Variants in SLCO6A1 observed in about 807,000 individuals in gnomAD.
The protein encoded by SLCO6A1 is cancer/testis antigen 48.
A neutral mutation model predicts 72.7 loss-of-function variants in SLCO6A1; 65 were observed. That is an observed-to-expected ratio of 0.89 (90% CI 0.73 to 1.10). The LOEUF is 1.10. Ranked by LOEUF, SLCO6A1 falls within the 50% of genes least tolerant of loss-of-function variation. The probability of loss-of-function intolerance (pLI) is 0.00; values close to 1 mark genes in which losing one functional copy is unlikely to be tolerated. For missense variants in SLCO6A1, 874 were observed against 872.6 expected (o/e 1.00, Z -0.02); for synonymous variants, 314 against 298.2 (o/e 1.05, Z -0.55).
intron 10 of SLCO6A1, among the ~76,000 whole-genome samples, chr5:102,392,043 ATACT>A (rs145892137): frequency 0.018 from 2,728 of 152,222 alleles, 76 homozygotes; most frequent in African/African-American, 0.062. Context: ...AATAAACTCA[ATACT>A]TACTTTTTGT....
intron 12 of SLCO6A1, among the ~76,000 whole-genome samples, chr5:102,378,163 A>T (rs1039317694): frequency 1.3e-5 from 2 of 151,518 alleles, no homozygotes; most frequent in Admixed American, 6.6e-5. Flanking sequence ...CTTTTTTTTT[A>T]AATTATACTT....
chr5:102,480,867 CT>C (rs1329063319), intron 1 of SLCO6A1, among the ~76,000 whole-genome samples: 1 of 152,172 alleles, frequency 6.6e-6, no homozygotes, highest in Non-Finnish European at 1.5e-5. Context: ...TCTCCCTCCC[CT>C]CCATAATCAG....
intron 4 of SLCO6A1, among the ~76,000 whole-genome samples, chr5:102,474,509 G>A (rs936316854): frequency 1.3e-5 from 2 of 152,022 alleles, no homozygotes; most frequent in Admixed American, 6.6e-5. Context: ...CATGCCATTG[G>A]ATTTGACAAT....
intron 12 of SLCO6A1, among the ~76,000 whole-genome samples, chr5:102,386,671 C>T (rs1028858484): frequency 6.6e-6 from 1 of 152,108 alleles, no homozygotes; most frequent in African/African-American, 2.4e-5. Flanking sequence ...TTTTGGGTTC[C>T]AGTCTTGTGT....
At chr5:102,485,245 C>G (rs895765962) in intron 1 of SLCO6A1, among the ~76,000 whole-genome samples, 28 of 148,826 alleles carry the variant, frequency 1.9e-4, no homozygotes, top group Non-Finnish European at 3.9e-4. Context: ...GAGCGAAACT[C>G]CATCTCAAAA....
chr5:102,409,702 G>C (rs545190455), intron 9 of SLCO6A1, among the ~76,000 whole-genome samples: 9 of 152,068 alleles, frequency 5.9e-5, no homozygotes, highest in African/African-American at 1.9e-4. Flanking sequence ...TTATCACACA[G>C]TTTGAGTGAC....
intron 6 of SLCO6A1, among the ~76,000 whole-genome samples, chr5:102,448,995 C>T (rs985202115): frequency 1.3e-5 from 2 of 151,894 alleles, no homozygotes; most frequent in African/African-American, 2.4e-5. Context: ...TTGTGGTGGT[C>T]AGTAATGGTG....
At chr5:102,389,454 CCCCA>C (rs1746618029) in intron 11 of SLCO6A1, among the ~76,000 whole-genome samples, 3 of 82,106 alleles carry the variant, frequency 3.7e-5, no homozygotes, top group African/African-American at 5.0e-5. Context: ...CGCCCCCCAC[CCCCA>C]CACACACAGA....
chr5:102,399,483 A>G, intron 10 of SLCO6A1, 72 bp downstream of exon 10: 1 of 1,027,150 alleles, frequency 9.7e-7, no homozygotes, highest in Non-Finnish European at 1.3e-6. Flanking sequence ...TTGCTACAAT[A>G]TTCTAAAATC....
intron 12 of SLCO6A1, among the ~76,000 whole-genome samples, chr5:102,380,755 A>T (rs62369307): frequency 0.29 from 43,661 of 151,900 alleles, 6,263 homozygotes; most frequent in Non-Finnish European, 0.31. Context: ...ATTGAATTTC[A>T]GTTAATGTAA....
At chr5:102,493,865 C>T (rs1156623137) in intron 1 of SLCO6A1, among the ~76,000 whole-genome samples, 2 of 152,066 alleles carry the variant, frequency 1.3e-5, no homozygotes, top group Non-Finnish European at 2.9e-5. Context: ...CACTTAATAT[C>T]GTTAAGAGGT....
chr5:102,380,795 A>G (rs1268308532), intron 12 of SLCO6A1, among the ~76,000 whole-genome samples: 1 of 151,988 alleles, frequency 6.6e-6, no homozygotes, highest in African/African-American at 2.4e-5. Context: ...CATGTGGCAA[A>G]TGTCCTTCAT....
intron 6 of SLCO6A1, among the ~76,000 whole-genome samples, chr5:102,441,807 T>C (rs893544902): frequency 6.6e-6 from 1 of 151,894 alleles, no homozygotes; most frequent in Non-Finnish European, 1.5e-5. Flanking sequence ...GATTACTTTT[T>C]ACTTTACTTT....
chr5:102,477,659 G>A lies in SLCO6A1; in HGVS notation c.802+17C>T. The A allele has an allele frequency of 6.2e-7, 1 of 1,602,050 alleles. No homozygotes were observed. On this transcript the variant is annotated intron_variant, in intron 3 of 13. Transcript: ENST00000506729. ...AACTCAAAATGGGTCAATCGTAATA[G>A]AGGGGGTAAAACTTGCCTAAATAGA...
intron 1 of SLCO6A1, among the ~76,000 whole-genome samples, chr5:102,480,879 CA>C (rs1467030238): frequency 6.6e-6 from 1 of 152,178 alleles, no homozygotes; most frequent in Admixed American, 6.5e-5. Flanking sequence ...CCATAATCAG[CA>C]TCCTGTATTT....
intron 4 of SLCO6A1, among the ~76,000 whole-genome samples, chr5:102,469,910 C>T (rs529189934): frequency 1.2e-4 from 19 of 152,142 alleles, no homozygotes; most frequent in East Asian, 1.2e-3. Flanking sequence ...ACATCTACTG[C>T]GATAATCATG....
intron 8 of SLCO6A1, among the ~76,000 whole-genome samples, chr5:102,417,003 C>T (rs1748321477): frequency 6.6e-6 from 1 of 152,056 alleles, no homozygotes; most frequent in Admixed American, 6.6e-5. Flanking sequence ...TTCATTTCTC[C>T]TTGCAGTGTA....
chr5:102,474,800 T>C (rs1442212891), intron 4 of SLCO6A1, among the ~76,000 whole-genome samples: 2 of 151,890 alleles, frequency 1.3e-5, no homozygotes, highest in Non-Finnish European at 2.9e-5. Context: ...TGAAGAAGCA[T>C]TGAAAAGATA....
At chr5:102,459,877 G>GCCA in intron 4 of SLCO6A1, 100 bp from the exon 5 acceptor site, 2 of 1,006,412 alleles carry the variant, frequency 2.0e-6, no homozygotes, top group Non-Finnish European at 2.8e-6. Context: ...GAGAGAGGGA[G>GCCA]GGTTGGAGAG....
Sources: gnomAD v4.1 joint callset for allele counts (sites outside exome capture counted in the v4.1 genomes callset) on GRCh38, gnomAD v4.1.1 for gene constraint, MANE v1.5 for transcripts, NCBI Gene and HGNC (gene_info 2026-07-23, HGNC 2026-07-21) for gene names.